The following PHF20 variants were observed in gnomAD, a reference collection of about 807,000 sequenced individuals.
The protein encoded by PHF20 is PHD finger protein 20.
PHF20 carries 23 observed loss-of-function variants against 113.5 expected under a neutral mutation model. The ratio of observed to expected loss-of-function variants is 0.20; its 90% CI spans 0.15 to 0.29. The LOEUF (loss-of-function observed/expected upper bound fraction) is 0.29. PHF20 is among the 10% of genes least tolerant of loss of function. PHF20 has a pLI of 1.00. For synonymous variants in PHF20, 434 were observed against 457.3 expected (o/e 0.95, Z 0.65); for missense variants, 943 against 1,219.6 (o/e 0.77, Z 3.38).
chr20:35,802,585 A>C (rs1397369867), intron 2 of PHF20, among the ~76,000 whole-genome samples: 1 of 152,142 alleles, frequency 6.6e-6, no homozygotes, highest in East Asian at 1.9e-4. Context: ...TAGGAAGATA[A>C]GACAGGAGAA....
At chr20:35,850,039 C>G (rs2042691311) in intron 4 of PHF20, among the ~76,000 whole-genome samples, 1 of 152,138 alleles carries the variant, frequency 6.6e-6, no homozygotes, top group Non-Finnish European at 1.5e-5. Flanking sequence ...TTAAGGAAGT[C>G]TGTTAGCACT....
chr20:35,889,236 G>C (rs137985105), intron 9 of PHF20, among the ~76,000 whole-genome samples: 3 of 151,830 alleles, frequency 2.0e-5, no homozygotes, highest in African/African-American at 7.2e-5. Flanking sequence ...GGCTAGTCTC[G>C]AACTCCTGAC....
At chr20:35,918,023 C>T (rs2052400785) in intron 13 of PHF20, among the ~76,000 whole-genome samples, 1 of 152,184 alleles carries the variant, frequency 6.6e-6, no homozygotes, top group Admixed American at 6.5e-5. Context: ...CTCTTATCTT[C>T]TCTTTGAGGT....
At chr20:35,895,589 G>A (rs1047499975) in intron 9 of PHF20, among the ~76,000 whole-genome samples, 2 of 150,542 alleles carry the variant, frequency 1.3e-5, no homozygotes, top group African/African-American at 4.9e-5. Context: ...AAAGTTTTGT[G>A]TTTTGAACTT....
intron 2 of PHF20, among the ~76,000 whole-genome samples, chr20:35,808,518 G>T (rs1196663603): frequency 5.9e-5 from 9 of 151,656 alleles, no homozygotes; most frequent in African/African-American, 2.2e-4. Flanking sequence ...ATGCTTTTGG[G>T]CATCTAATTA....
chr20:35,882,406 A>T (rs1208712057), intron 9 of PHF20, among the ~76,000 whole-genome samples: 1 of 152,112 alleles, frequency 6.6e-6, no homozygotes, highest in African/African-American at 2.4e-5. Context: ...CAGTAATGTG[A>T]TGGGTAATAT....
rs1337619186 is a variant in PHF20, at chr20:35,948,925, A to C, written c.*1298A>C. On this transcript the variant is annotated 3_prime_UTR_variant, in exon 18 of 18. Transcript: ENST00000374012. ...TGAGTCTGTAATGTTATATGCTGCA[A>C]ACATTTACTATGTAAACGTGAAGTA... 1 of 152,670 alleles carries C rather than the reference A, an allele frequency of 6.6e-6. No individual in the cohort carries two copies. The highest frequency in any genetic ancestry group is 1.5e-5 in the Non-Finnish European group (1 of 68,046). 9.5% of individuals were successfully genotyped at this position (152,670 alleles called of 1,614,324 possible).
intron 9 of PHF20, among the ~76,000 whole-genome samples, chr20:35,892,241 T>C (rs916353064): frequency 9.5e-5 from 14 of 147,374 alleles, no homozygotes; most frequent in Non-Finnish European, 1.4e-4. Context: ...TTTTTTTTTT[T>C]TTTTTGTATT....
At chr20:35,847,756 G>T (rs540212024) in intron 4 of PHF20, among the ~76,000 whole-genome samples, 1 of 152,264 alleles carries the variant, frequency 6.6e-6, no homozygotes, top group East Asian at 1.9e-4. Flanking sequence ...ACATAGTCCT[G>T]AATATTTGTG....
At chr20:35,791,491 ATCTATC>A (rs2041552131) in intron 1 of PHF20, among the ~76,000 whole-genome samples, 1 of 122,658 alleles carries the variant, frequency 8.2e-6, no homozygotes, top group South Asian at 2.5e-4. Flanking sequence ...CTATCTATCT[ATCTATC>A]TATCTTAGAA....
intron 1 of PHF20, among the ~76,000 whole-genome samples, chr20:35,788,895 C>T (rs2146842958): frequency 6.6e-6 from 1 of 152,156 alleles, no homozygotes; most frequent in Admixed American, 6.5e-5. Context: ...ATTTAACAAA[C>T]ATTTGACCAC....
At chr20:35,929,769 G>A (rs554101708) in intron 14 of PHF20, among the ~76,000 whole-genome samples, 1 of 152,320 alleles carries the variant, frequency 6.6e-6, no homozygotes, top group African/African-American at 2.4e-5. Flanking sequence ...TCCTTGAACT[G>A]AGCACAGCAT....
intron 13 of PHF20, among the ~76,000 whole-genome samples, chr20:35,919,550 G>A (rs2055473072): frequency 6.6e-6 from 1 of 152,074 alleles, no homozygotes; most frequent in African/African-American, 2.4e-5. Flanking sequence ...ATATTGGCTA[G>A]GCTGGTCTTG....
intron 3 of PHF20, among the ~76,000 whole-genome samples, chr20:35,845,200 G>GT (rs894805592): frequency 2.0e-4 from 27 of 137,426 alleles, no homozygotes; most frequent in Admixed American, 2.8e-4. Flanking sequence ...CATTTATGGT[G>GT]TTTTTTTTTT....
intron 1 of PHF20, among the ~76,000 whole-genome samples, chr20:35,773,940 T>G (rs1022606004): frequency 1.3e-5 from 2 of 152,238 alleles, no homozygotes; most frequent in African/African-American, 4.8e-5. Flanking sequence ...CCCATAAACT[T>G]CTTCCCTATA....
intron 9 of PHF20, among the ~76,000 whole-genome samples, chr20:35,894,819 T>G (rs1489692064): frequency 1.3e-5 from 2 of 152,208 alleles, no homozygotes; most frequent in African/African-American, 4.8e-5. Flanking sequence ...CTGTTTGATT[T>G]ATGTAGATGA....
intron 10 of PHF20, among the ~76,000 whole-genome samples, chr20:35,908,733 A>G (rs1274977993): frequency 6.6e-6 from 1 of 152,186 alleles, no homozygotes; most frequent in East Asian, 1.9e-4. Context: ...TTCTGCTGCT[A>G]GCCTCCATCT....
chr20:35,902,890 A>G (rs559022838), intron 10 of PHF20, among the ~76,000 whole-genome samples: 2 of 152,254 alleles, frequency 1.3e-5, no homozygotes, highest in South Asian at 4.1e-4. Context: ...CAGTGAAAGC[A>G]TTTACCCAGG....
chr20:35,875,088 C>T (rs1005695458), intron 9 of PHF20, among the ~76,000 whole-genome samples: 5 of 149,598 alleles, frequency 3.3e-5, no homozygotes, highest in Non-Finnish European at 6.0e-5. Context: ...AGAGGAAGAC[C>T]CTATCTCCTA....
Sources: allele counts gnomAD v4.1 joint callset (sites outside exome capture counted in the v4.1 genomes callset), GRCh38; gene constraint gnomAD v4.1.1; transcripts MANE v1.5; gene names NCBI Gene and HGNC (gene_info 2026-07-23, HGNC 2026-07-21).